The following FAM20C variants were observed in gnomAD, a reference collection of about 807,000 sequenced individuals.
FAM20C encodes FAM20C golgi associated secretory pathway kinase.
Under a neutral mutation model 51.5 loss-of-function variants are expected in FAM20C, and 40 were observed. The observed-to-expected ratio is 0.78, with a 90% confidence interval of 0.60 to 1.01. FAM20C has a LOEUF of 1.01. FAM20C is among the 50% of genes least tolerant of loss of function. FAM20C has a pLI of 0.00. For synonymous variants in FAM20C, 406 were observed against 380.6 expected (o/e 1.07, Z -0.78); for missense variants, 861 against 844.7 (o/e 1.02, Z -0.24).
intron 3 of FAM20C, among the ~76,000 whole-genome samples, chr7:220,166 G>A (rs906134108): frequency 3.3e-5 from 5 of 152,180 alleles, no homozygotes; most frequent in Admixed American, 6.5e-5. Context: ...TGCTGCCCTC[G>A]CTGTGGTGGG....
At chr7:254,220 C>T (rs868458507) in intron 5 of FAM20C, among the ~76,000 whole-genome samples, 5 of 152,300 alleles carry the variant, frequency 3.3e-5, no homozygotes, top group Middle Eastern at 6.8e-3. Flanking sequence ...AAAGGGCAGC[C>T]GGGACCGGCC....
intron 2 of FAM20C, among the ~76,000 whole-genome samples, chr7:199,760 C>T (rs949373473): frequency 4.6e-5 from 7 of 152,204 alleles, no homozygotes; most frequent in African/African-American, 1.4e-4. Flanking sequence ...GGGATATTAT[C>T]TACCTCTATT....
At chr7:220,928 C>A (rs554877995) in intron 3 of FAM20C, among the ~76,000 whole-genome samples, 4 of 151,408 alleles carry the variant, frequency 2.6e-5, no homozygotes, top group Non-Finnish European at 5.9e-5. Flanking sequence ...TCGTCTCTAG[C>A]AGGGCAGGGG....
At chr7:231,220 T>G (rs745894609) in intron 3 of FAM20C, among the ~76,000 whole-genome samples, 3 of 151,974 alleles carry the variant, frequency 2.0e-5, no homozygotes, top group Non-Finnish European at 4.4e-5. Context: ...GGGGGTCTGT[T>G]CCGGGGCAGC....
rs999102767 is a variant in FAM20C, at chr7:242,326, C to A, written c.864-4089C>A. Among the ~76,000 whole-genome samples, 992 of 152,306 alleles carry A rather than the reference C, an allele frequency of 6.5e-3. 15 individuals carry two copies. Among genetic ancestry groups the A allele is most frequent in the African/African-American group, 0.023 (938 of 41,562 alleles). On this transcript the variant is annotated intron_variant, in intron 3 of 9. Transcript: ENST00000313766. Reference sequence around the variant, plus strand: ...TGTGCTGTCTGTGGGTCCGGGGACGCGGATCTGACAAATGCCCTTCTGCAG... The same window carrying A: ...TGTGCTGTCTGTGGGTCCGGGGACGAGGATCTGACAAATGCCCTTCTGCAG...
intron 3 of FAM20C, among the ~76,000 whole-genome samples, chr7:233,192 G>A (rs1246583325): frequency 2.6e-5 from 4 of 152,200 alleles, no homozygotes; most frequent in Non-Finnish European, 4.4e-5. Flanking sequence ...AGGACGCGTC[G>A]CCTGGCCCGG....
chr7:193,411 C>T lies in FAM20C; in HGVS notation c.212C>T (p.Pro71Leu). The change falls in exon 1 of 10, where the codon CCG becomes CTG. Residue 71 changes from proline (P) to leucine (L), a missense_variant. This residue lies in a region of FAM20C where 561 missense variants were observed against 499.8 expected (regional missense o/e 1.12). Coordinates refer to ENST00000313766, the MANE Select transcript of FAM20C (RefSeq NM_020223.4). ...AQVRGRPGEP[P>L]AASSAAGDAG... ...GTTCGGGGCCGCCCCGGGGAGCCCCCGGCCGCCTCCTCCGCCGCCGGCGAC... is the reference window on the plus strand; with the variant it reads ...GTTCGGGGCCGCCCCGGGGAGCCCCTGGCCGCCTCCTCCGCCGCCGGCGAC... The T allele has an allele frequency of 7.1e-7, 1 of 1,410,448 alleles. No homozygotes were observed. Among genetic ancestry groups the T allele is most frequent in the Non-Finnish European group, 9.3e-7 (1 of 1,070,658 alleles). 87.4% of individuals were successfully genotyped at this position (1,410,448 alleles called of 1,614,324 possible). A position where few individuals can be genotyped will look rare whatever the true frequency, so the allele number is the denominator to read the frequency against.
At chr7:259,499 T>C (rs1788788947) in intron 9 of FAM20C, among the ~76,000 whole-genome samples, 1 of 152,246 alleles carries the variant, frequency 6.6e-6, no homozygotes. Flanking sequence ...TTTATCTGTG[T>C]CTCTTTCTGT....
At position 225,981 on chromosome 7, in the gene FAM20C, C is replaced by T. The variant is rs28710895; in HGVS notation, c.863+17005C>T. 2.0e-3 allele frequency among the ~76,000 whole-genome samples: 295 copies of T among 147,242 alleles called. 36 individuals carry two copies. Among genetic ancestry groups the T allele is most frequent in the African/African-American group, 7.4e-3 (276 of 37,484 alleles). ...GCGCAGAATGGCACCCTCATGGGGT[C>T]GCACGGCGGCTGTCCCCTGAGCCTT... is the stretch of plus-strand genomic sequence containing the variant. On this transcript the variant is annotated intron_variant, in intron 3 of 9. Transcript: ENST00000313766.
intron 9 of FAM20C, 116 bp from the exon 10 acceptor site, chr7:259,615 T>G: frequency 7.7e-7 from 1 of 1,304,018 alleles, no homozygotes; most frequent in Non-Finnish European, 1.0e-6. Context: ...TGTCCCCCTC[T>G]TTCTCTCTCT....
At chr7:256,494 C>G (rs982120632) in intron 6 of FAM20C, 160 bp from the exon 7 acceptor site, 2 of 649,434 alleles carry the variant, frequency 3.1e-6, no homozygotes, top group Non-Finnish European at 5.4e-6. Context: ...CCCTCCCACA[C>G]CCGTGCTCCC....
At chr7:237,547 G>A (rs1020998513) in intron 3 of FAM20C, among the ~76,000 whole-genome samples, 8 of 152,246 alleles carry the variant, frequency 5.3e-5, no homozygotes, top group East Asian at 1.9e-4. Context: ...TGACGGTTAC[G>A]TTGGTGGTGA....
At chr7:235,912 C>G (rs1248529420) in intron 3 of FAM20C, among the ~76,000 whole-genome samples, 1 of 152,238 alleles carries the variant, frequency 6.6e-6, no homozygotes, top group Non-Finnish European at 1.5e-5. Flanking sequence ...CCCTGTCTCC[C>G]CCAGCCACGG....
intron 3 of FAM20C, among the ~76,000 whole-genome samples, chr7:217,238 A>C (rs1787025717): frequency 6.6e-6 from 1 of 152,048 alleles, no homozygotes; most frequent in Non-Finnish European, 1.5e-5. Context: ...TCGGACTTGC[A>C]GCTGCGTGGG....
intron 2 of FAM20C, among the ~76,000 whole-genome samples, chr7:204,376 A>C (rs1324132222): frequency 6.6e-6 from 1 of 152,206 alleles, no homozygotes; most frequent in African/African-American, 2.4e-5. Flanking sequence ...ACGGCCTCTG[A>C]GAGTTTCACC....
Position 193,457 on chromosome 7 carries a change from C to A in FAM20C, c.258C>A (p.His86Gln). Residue 86 changes from histidine to glutamine, a missense_variant, in exon 1 of 10, where the codon CAC becomes CAA. Around this residue, in one of 3 missense-constraint regions of FAM20C, gnomAD observed 561 missense variants for 499.8 expected, o/e 1.12. Transcript: ENST00000313766. ...AAGDAGWPNKHTLRILQDFSS... is the reference protein window; with the variant it reads ...AAGDAGWPNKQTLRILQDFSS... ...GCGACGCGGGCTGGCCCAACAAGCACACGCTCCGCATCCTGCAGGACTTCA... is the reference window on the plus strand; with the variant it reads ...GCGACGCGGGCTGGCCCAACAAGCAAACGCTCCGCATCCTGCAGGACTTCA... The A allele has an allele frequency of 6.8e-7, 1 of 1,472,914 alleles. No individual in the cohort carries two copies. Among genetic ancestry groups the A allele is most frequent in the Non-Finnish European group, 9.0e-7 (1 of 1,105,776 alleles). The allele number at this position is 1,472,914 out of a possible 1,614,324, so 91.2% of individuals were successfully genotyped here. A position where few individuals can be genotyped will look rare whatever the true frequency, so the allele number is the denominator to read the frequency against.
At chr7:205,594 C>T (rs1786341893) in intron 2 of FAM20C, among the ~76,000 whole-genome samples, 1 of 152,168 alleles carries the variant, frequency 6.6e-6, no homozygotes, top group African/African-American at 2.4e-5. Context: ...CCCTCAGAGA[C>T]ACCGCAGGAG....
At chr7:232,321 C>T (rs990746292) in intron 3 of FAM20C, among the ~76,000 whole-genome samples, 13 of 152,192 alleles carry the variant, frequency 8.5e-5, no homozygotes, top group African/African-American at 1.7e-4. Context: ...GTGGAGAGAA[C>T]GCGGCCCAGC....
At chr7:230,367 C>CGGGGGGG (rs1300481360) in intron 3 of FAM20C, among the ~76,000 whole-genome samples, 1 of 8,582 alleles carries the variant, frequency 1.2e-4, no homozygotes, top group Non-Finnish European at 2.7e-4. Flanking sequence ...GTCCCCAGGA[C>CGGGGGGG]GGGGTGGGGG....
Sources: allele counts gnomAD v4.1 joint callset (sites outside exome capture counted in the v4.1 genomes callset), GRCh38; gene constraint gnomAD v4.1.1; regional missense constraint gnomAD v4.1.1; transcripts MANE v1.5; gene names NCBI Gene and HGNC (gene_info 2026-07-23, HGNC 2026-07-21).